The following TLE4 variants were observed in gnomAD, a reference collection of about 807,000 sequenced individuals.
TLE4 encodes transducin-like enhancer protein 4.
TLE4 carries 8 observed loss-of-function variants against 92.8 expected under a neutral mutation model. The ratio of observed to expected loss-of-function variants is 0.09; its 90% CI spans 0.05 to 0.16. TLE4 has a LOEUF of 0.16. Among genes scored for constraint, TLE4 ranks in the 10% least tolerant of loss-of-function variants. TLE4 has a pLI of 1.00. For missense variants in TLE4, 675 were observed against 997.6 expected (o/e 0.68, Z 4.36); for synonymous variants, 371 against 374.1 (o/e 0.99, Z 0.10).
intron 4 of TLE4, among the ~76,000 whole-genome samples, chr9:79,580,711 G>T (rs2132010160): frequency 6.7e-6 from 1 of 149,928 alleles, no homozygotes; most frequent in Non-Finnish European, 1.5e-5. Flanking sequence ...TTCTTACCCA[G>T]TGCCTTTTTT....
intron 11 of TLE4, chr9:79,707,262 T>C: frequency 1.3e-6 from 2 of 1,496,448 alleles, no homozygotes; most frequent in Non-Finnish European, 1.9e-6. Context: ...TTGCTAGCTT[T>C]GTTTGAATTA....
chr9:79,719,031 G>A, intron 15 of TLE4, 60 bp downstream of exon 15: 1 of 1,559,886 alleles, frequency 6.4e-7, no homozygotes, highest in Non-Finnish European at 8.7e-7. Context: ...AGGGGCTGAT[G>A]AGAGAACTGT....
intron 4 of TLE4, among the ~76,000 whole-genome samples, chr9:79,581,985 G>A (rs1313234479): frequency 6.6e-6 from 1 of 152,108 alleles, no homozygotes; most frequent in Non-Finnish European, 1.5e-5. Flanking sequence ...TATCAAGATG[G>A]AATTTGCTTC....
At position 79,627,502 on chromosome 9, in the gene TLE4, C is replaced by T. The variant is rs770277306; in HGVS notation, c.390+54C>T. 2.6e-5 allele frequency: 40 copies of T among 1,549,376 alleles called. No homozygotes were observed. The East Asian group carries it at 4.7e-4, about 18-fold the overall frequency. ...TCTTAGTGTTTGTCATCAGCTCTCT[C>T]GCTCTCTCTTTTTACATTTTGTTCC... On this transcript the variant is annotated intron_variant, in intron 6 of 19. Coordinates refer to ENST00000376552, the MANE Select transcript of TLE4 (RefSeq NM_007005.6).
chr9:79,578,657 A>G (rs1357133393), intron 4 of TLE4, among the ~76,000 whole-genome samples: 1 of 152,186 alleles, frequency 6.6e-6, no homozygotes. Context: ...GGAATTTGTC[A>G]TTCTGAAATG....
At chr9:79,581,301 T>G (rs2039585177) in intron 4 of TLE4, among the ~76,000 whole-genome samples, 1 of 152,186 alleles carries the variant, frequency 6.6e-6, no homozygotes, top group African/African-American at 2.4e-5. Flanking sequence ...GACCTGTCCT[T>G]TTACTTATTA....
intron 4 of TLE4, among the ~76,000 whole-genome samples, chr9:79,586,001 A>G (rs908461078): frequency 6.6e-6 from 1 of 152,206 alleles, no homozygotes; most frequent in East Asian, 1.9e-4. Context: ...AAAACATGTA[A>G]TATAAAAGTA....
chr9:79,704,253 G>A (rs1439328910), intron 8 of TLE4, among the ~76,000 whole-genome samples: 2 of 151,956 alleles, frequency 1.3e-5, no homozygotes, highest in Non-Finnish European at 2.9e-5. Flanking sequence ...AGCTGGGACT[G>A]CAGGCACGCC....
intron 5 of TLE4, among the ~76,000 whole-genome samples, chr9:79,620,881 A>G (rs1327726605): frequency 1.3e-5 from 2 of 152,106 alleles, no homozygotes; most frequent in African/African-American, 4.8e-5. Flanking sequence ...GTGAAAGCAG[A>G]AAAGGAGAGA....
chr9:79,610,754 T>G lies in TLE4; in HGVS notation c.253-1902T>G, dbSNP rs181764978. On this transcript the variant is annotated intron_variant, in intron 4 of 19. Coordinates refer to ENST00000376552, the MANE Select transcript of TLE4 (RefSeq NM_007005.6). ...TTTATTTTTAAGAAAATGTAGAATT[T>G]TTTTAAAAAATAGTTGCTCAGACTT... Among the ~76,000 whole-genome samples the G allele has an allele frequency of 2.6e-3, 402 of 152,200 alleles. 2 individuals are homozygous for G. Among genetic ancestry groups the G allele is most frequent in the Non-Finnish European group, 2.9e-3 (198 of 67,982 alleles).
intron 8 of TLE4, among the ~76,000 whole-genome samples, chr9:79,689,398 T>C (rs920476973): frequency 6.6e-6 from 1 of 152,148 alleles, no homozygotes; most frequent in African/African-American, 2.4e-5. Context: ...ATTATTGTAA[T>C]TGACCTTGGC....
chr9:79,583,128 C>T (rs1400843133), intron 4 of TLE4, among the ~76,000 whole-genome samples: 1 of 152,140 alleles, frequency 6.6e-6, no homozygotes, highest in African/African-American at 2.4e-5. Flanking sequence ...TGGCATTCAT[C>T]ACCACAAATC....
At position 79,611,340 on chromosome 9, in the gene TLE4, T is replaced by C. The variant is rs141127091; in HGVS notation, c.253-1316T>C. Among the ~76,000 whole-genome samples the C allele has an allele frequency of 7.8e-4, 119 of 152,216 alleles. 1 individual carries two copies. Among genetic ancestry groups the C allele is most frequent in the African/African-American group, 2.7e-3 (111 of 41,536 alleles). On this transcript the variant is annotated intron_variant, in intron 4 of 19. Transcript: ENST00000376552. ...TGGTGCTGGGTTTTTGTCCATACTG[T>C]TAGGAATGCAGGCTGGAATGGAAAG... is the stretch of plus-strand genomic sequence containing the variant.
intron 4 of TLE4, among the ~76,000 whole-genome samples, chr9:79,590,651 T>A (rs2042319707): frequency 6.6e-6 from 1 of 152,148 alleles, no homozygotes; most frequent in Non-Finnish European, 1.5e-5. Context: ...TAAGCAATAA[T>A]TTTTAGGTTA....
chr9:79,645,871 T>C (rs2058031614), intron 6 of TLE4, among the ~76,000 whole-genome samples: 1 of 152,164 alleles, frequency 6.6e-6, no homozygotes, highest in South Asian at 2.1e-4. Context: ...GAGAGGTTTT[T>C]ATTTATTATT....
chr9:79,696,758 G>T (rs2068362989), intron 8 of TLE4, among the ~76,000 whole-genome samples: 1 of 152,166 alleles, frequency 6.6e-6, no homozygotes, highest in Non-Finnish European at 1.5e-5. Context: ...AAGTCCTAAA[G>T]CTTAGTAACT....
intron 9 of TLE4, 125 bp from the exon 10 acceptor site, chr9:79,705,764 A>C: frequency 2.1e-6 from 2 of 935,322 alleles, no homozygotes; most frequent in South Asian, 2.7e-5. Flanking sequence ...GACATTGTCA[A>C]GTATTTAACA....
chr9:79,707,195 T>A (rs1392091525), intron 11 of TLE4: 1 of 1,612,726 alleles, frequency 6.2e-7, no homozygotes, highest in East Asian at 2.2e-5. Context: ...GTTACAGAGA[T>A]GGTTTTGTCG....
intron 7 of TLE4, among the ~76,000 whole-genome samples, chr9:79,653,560 C>CGAAT (rs1286756501): frequency 6.6e-6 from 1 of 152,160 alleles, no homozygotes; most frequent in Non-Finnish European, 1.5e-5. Context: ...TCTCTCCCAG[C>CGAAT]ATTCCTTTTT....
Sources: allele counts gnomAD v4.1 joint callset (sites outside exome capture counted in the v4.1 genomes callset), GRCh38; gene constraint gnomAD v4.1.1; transcripts MANE v1.5; gene names NCBI Gene and HGNC (gene_info 2026-07-23, HGNC 2026-07-21).